COPB1: variants seen among roughly 807,000 people sequenced by gnomAD.
The protein encoded by COPB1 is coatomer subunit beta.
COPB1 carries 21 observed loss-of-function variants against 108.7 expected under a neutral mutation model. That is an observed-to-expected ratio of 0.19 (90% CI 0.14 to 0.28). COPB1 has a LOEUF of 0.28. COPB1 is among the 10% of genes least tolerant of loss of function. The pLI, the probability that COPB1 is intolerant of heterozygous loss-of-function variation, is 1.00. For missense variants in COPB1, 919 were observed against 1,141.3 expected (o/e 0.81, Z 2.81); for synonymous variants, 378 against 386.8 (o/e 0.98, Z 0.27).
Position 14,474,492 on chromosome 11 carries a change from T to C in COPB1, c.1737+3A>G. On this transcript the variant is annotated splice_donor_region_variant and intron_variant, in intron 14 of 21. Coordinates refer to ENST00000439561, the MANE Select transcript of COPB1 (RefSeq NM_001144061.2). Reference sequence around the variant, plus strand: ...TGGTTAAATGTAAAATAAATGAACTTACATTTTGCTTTTTCTTCTCCTGAA... The same window carrying C: ...TGGTTAAATGTAAAATAAATGAACTCACATTTTGCTTTTTCTTCTCCTGAA... 6.2e-7 allele frequency: 1 copy of C among 1,612,266 alleles called. No individual in the cohort carries two copies. The highest frequency in any genetic ancestry group is 8.5e-7 in the Non-Finnish European group (1 of 1,178,840).
At chr11:14,463,861 T>C (rs867198274) in intron 18 of COPB1, among the ~76,000 whole-genome samples, 28 of 152,160 alleles carry the variant, frequency 1.8e-4, no homozygotes, top group African/African-American at 6.3e-4. Flanking sequence ...TCCTTAATAT[T>C]ATATTCATCC....
At chr11:14,491,988 T>A (rs970712241) in intron 4 of COPB1, among the ~76,000 whole-genome samples, 1 of 152,196 alleles carries the variant, frequency 6.6e-6, no homozygotes, top group Non-Finnish European at 1.5e-5. Context: ...ATAAAATCCA[T>A]CACCTTGCTT....
intron 11 of COPB1, among the ~76,000 whole-genome samples, chr11:14,477,670 G>A (rs1171289233): frequency 2.6e-5 from 4 of 152,038 alleles, no homozygotes; most frequent in South Asian, 2.1e-4. Context: ...TGAGGCGGGC[G>A]GATCACCTGA....
Position 14,483,105 on chromosome 11 carries a change from T to C in COPB1, c.884A>G (p.Asn295Ser), listed in dbSNP as rs1317438520. The C allele has an allele frequency of 1.3e-6, 2 of 1,592,850 alleles. No individual in the cohort carries two copies. Among genetic ancestry groups the C allele is most frequent in the South Asian group, 1.1e-5 (1 of 89,772 alleles). Residue 295 changes from asparagine (N) to serine (S), a missense_variant, in exon 8 of 22, where the codon AAC becomes AGC. By Grantham distance (46) the Asn-to-Ser change is conservative. Around this residue, in one of 5 missense-constraint regions of COPB1, gnomAD observed 705 missense variants for 817.8 expected, o/e 0.86. Transcript: ENST00000439561. ...ATCCAAAACTATGAGTTTTACATTGTTGTCGCTCTCCTTAATAATTAAATC... is the reference window on the plus strand; with the variant it reads ...ATCCAAAACTATGAGTTTTACATTGCTGTCGCTCTCCTTAATAATTAAATC... ...YIDLIIKESD[N>S]NVKLIVLDRL...
intron 2 of COPB1, among the ~76,000 whole-genome samples, chr11:14,495,189 C>G (rs1189269450): frequency 2.6e-5 from 4 of 152,170 alleles, no homozygotes; most frequent in African/African-American, 4.8e-5. Flanking sequence ...TCATTGCATA[C>G]TGAAGAATTT....
intron 12 of COPB1, 125 bp from the exon 13 acceptor site, chr11:14,476,070 T>C (rs1051124709): frequency 5.3e-5 from 39 of 739,002 alleles, no homozygotes; most frequent in Non-Finnish European, 1.3e-5. Flanking sequence ...CTGGGAACTC[T>C]GCTTTCAATT....
chr11:14,482,900 C>T (rs1850692346), intron 8 of COPB1, 132 bp downstream of exon 8: 1 of 732,152 alleles, frequency 1.4e-6, no homozygotes, highest in Non-Finnish European at 2.1e-6. Flanking sequence ...CAATAGTTAA[C>T]ACTTTAGCTG....
chr11:14,488,618 A>AC, intron 5 of COPB1, 34 bp from the exon 6 acceptor site: 1 of 1,412,574 alleles, frequency 7.1e-7, no homozygotes, highest in Non-Finnish European at 9.9e-7. Context: ...ATCATTCTCC[A>AC]CCTCATTCAA....
Position 14,498,296 on chromosome 11 carries a change from T to G in COPB1, c.91+542A>C, listed in dbSNP as rs542221982. Among the ~76,000 whole-genome samples, 3 of 152,376 alleles carry G rather than the reference T, an allele frequency of 2.0e-5. No homozygotes were observed. In the East Asian group the frequency reaches 5.8e-4, roughly 29 times the overall value. ...GTACCCCATAAATATATACATCTAC[T>G]GTGTACCCCCAAAAATTAAACATTA... On this transcript the variant is annotated intron_variant, in intron 2 of 21. Transcript: ENST00000439561.
intron 5 of COPB1, among the ~76,000 whole-genome samples, 178 bp downstream of exon 5, chr11:14,490,387 T>C (rs1850871277): frequency 6.6e-6 from 1 of 152,198 alleles, no homozygotes; most frequent in Non-Finnish European, 1.5e-5. Context: ...ACATATGCAA[T>C]ATTTTAGAGA....
In COPB1 at chr11:14,488,598, G is replaced by T; in HGVS notation, c.607-14C>A. ...CAAAGCTCGATCCTAAAAAAAATAAGAATATATTTATCATTCTCCACCTCA... is the reference window on the plus strand; with the variant it reads ...CAAAGCTCGATCCTAAAAAAAATAATAATATATTTATCATTCTCCACCTCA... On this transcript the variant is annotated splice_polypyrimidine_tract_variant and intron_variant, in intron 5 of 21. Coordinates refer to ENST00000439561, the MANE Select transcript of COPB1 (RefSeq NM_001144061.2). 1 of 1,557,834 alleles carries T rather than the reference G, an allele frequency of 6.4e-7. No homozygotes were observed. The highest frequency in any genetic ancestry group is 1.2e-5 in the South Asian group (1 of 86,314).
intron 21 of COPB1, among the ~76,000 whole-genome samples, chr11:14,458,193 C>G (rs2134089076): frequency 6.7e-6 from 1 of 150,130 alleles, no homozygotes; most frequent in Non-Finnish European, 1.5e-5. Flanking sequence ...AATTCTCCTG[C>G]CTCAGCCTCC....
Position 14,479,721 on chromosome 11 carries a change from G to GAAAA in COPB1, c.1213-11_1213-8dup. On this transcript the variant is annotated splice_region_variant and splice_polypyrimidine_tract_variant and intron_variant, in intron 10 of 21. Coordinates refer to ENST00000439561, the MANE Select transcript of COPB1 (RefSeq NM_001144061.2). The stretch of plus-strand genomic sequence containing the variant: ...CACTGAGAAATTCCATTAACTAAAA[G>GAAAA]AAAAAAAAAAAAAAGAAAATGGAAC... 2.6e-6 allele frequency: 3 copies of GAAAA among 1,171,858 alleles called. No homozygotes were observed. Among genetic ancestry groups the GAAAA allele is most frequent in the African/African-American group, 2.1e-5 (1 of 48,644 alleles). 72.6% of individuals were successfully genotyped at this position (1,171,858 alleles called of 1,614,324 possible).
chr11:14,462,315 C>T (rs1850175222), intron 18 of COPB1, among the ~76,000 whole-genome samples: 1 of 151,784 alleles, frequency 6.6e-6, no homozygotes. Flanking sequence ...TCACTGCAAC[C>T]TCCACCCTTC....
At chr11:14,483,455 G>T (rs189294887) in intron 7 of COPB1, among the ~76,000 whole-genome samples, 18 of 152,066 alleles carry the variant, frequency 1.2e-4, no homozygotes, top group Non-Finnish European at 2.2e-4. Flanking sequence ...AAAATTTAAG[G>T]GTTAAAACTA....
At chr11:14,498,538 T>G (rs1042860623) in intron 2 of COPB1, among the ~76,000 whole-genome samples, 73 of 152,298 alleles carry the variant, frequency 4.8e-4, no homozygotes, top group African/African-American at 1.7e-3. Flanking sequence ...CTCAACCTGT[T>G]GCCTAGAGAA....
rs143463616 is a variant in COPB1, at chr11:14,493,506, A to G, written c.491+136T>C. The G allele has an allele frequency of 1.4e-4, 90 of 649,862 alleles. 1 individual carries two copies. The highest frequency in any genetic ancestry group is 2.8e-4 in the Middle Eastern group (1 of 3,566). The allele number at this position is 649,862 out of a possible 1,614,324, so 40.3% of individuals were successfully genotyped here. On this transcript the variant is annotated intron_variant, in intron 4 of 21. Transcript: ENST00000439561. ...GATCTTTTGACTTTTCAATGTTCAT[A>G]ATAAAAAATACAGTGCTGGCCATAC...
chr11:14,472,510 G>T (rs1364558854), intron 14 of COPB1, among the ~76,000 whole-genome samples: 2 of 152,180 alleles, frequency 1.3e-5, no homozygotes, highest in Non-Finnish European at 2.9e-5. Flanking sequence ...TAAGTTACTG[G>T]TTGTATTAGC....
intron 13 of COPB1, among the ~76,000 whole-genome samples, chr11:14,475,148 C>T (rs1850494976): frequency 6.8e-6 from 1 of 146,196 alleles, no homozygotes; most frequent in Non-Finnish European, 1.5e-5. Flanking sequence ...GACACAAAAG[C>T]CATCAGAATA....
Sources: gnomAD v4.1 joint callset for allele counts (sites outside exome capture counted in the v4.1 genomes callset) on GRCh38, gnomAD v4.1.1 for gene constraint, gnomAD v4.1.1 regional missense constraint, MANE v1.5 for transcripts, NCBI Gene and HGNC (gene_info 2026-07-23, HGNC 2026-07-21) for gene names.